The following ZBBX variants were observed in gnomAD, a reference collection of about 807,000 sequenced individuals.
ZBBX encodes the protein zinc finger B-box domain-containing protein 1.
Under a neutral mutation model 108.5 loss-of-function variants are expected in ZBBX, and 101 were observed. That is an observed-to-expected ratio of 0.93 (90% CI 0.79 to 1.10). The LOEUF (loss-of-function observed/expected upper bound fraction) is 1.10. Among genes scored for constraint, ZBBX ranks in the 50% least tolerant of loss-of-function variants. The pLI is 0.00. For missense variants in ZBBX, 1,009 were observed against 941.4 expected (o/e 1.07, Z -0.94); for synonymous variants, 356 against 323.4 (o/e 1.10, Z -1.08).
chr3:167,281,168 G>T (rs1201321540), intron 20 of ZBBX, among the ~76,000 whole-genome samples: 1 of 152,078 alleles, frequency 6.6e-6, no homozygotes, highest in African/African-American at 2.4e-5. Flanking sequence ...ATGAGTTAGT[G>T]GGTGCAGCGC....
chr3:167,260,568 T>G (rs1320237629), intron 20 of ZBBX, among the ~76,000 whole-genome samples: 1 of 152,218 alleles, frequency 6.6e-6, no homozygotes, highest in Non-Finnish European at 1.5e-5. Context: ...TGGGTTAATT[T>G]AAAGACCTTG....
chr3:167,291,248 A>G (rs958330655), intron 18 of ZBBX, among the ~76,000 whole-genome samples: 28 of 152,212 alleles, frequency 1.8e-4, no homozygotes, highest in Non-Finnish European at 1.9e-4. Flanking sequence ...CCCATGACAC[A>G]TAATCCTCAG....
chr3:167,387,195 C>T (rs1040135680), intron 1 of ZBBX, among the ~76,000 whole-genome samples: 1 of 152,022 alleles, frequency 6.6e-6, no homozygotes, highest in South Asian at 2.1e-4. Flanking sequence ...TCACCAAACA[C>T]TTATTGAGGA....
chr3:167,256,223 G>T (rs1031187868), intron 20 of ZBBX, among the ~76,000 whole-genome samples: 2 of 152,048 alleles, frequency 1.3e-5, no homozygotes, highest in Admixed American at 6.6e-5. Context: ...GAATACTTAG[G>T]TTACATCCAA....
chr3:167,188,491 A>G, the ZBBX span, among the ~76,000 whole-genome samples: 1 of 152,178 alleles, frequency 6.6e-6, no homozygotes, highest in Non-Finnish European at 1.5e-5. Flanking sequence ...TAAATCTTAA[A>G]GGATAAATAA....
intron 19 of ZBBX, among the ~76,000 whole-genome samples, chr3:167,283,708 C>T (rs1311529591): frequency 6.6e-6 from 1 of 152,108 alleles, no homozygotes; most frequent in East Asian, 1.9e-4. Flanking sequence ...TGCAGTGGCA[C>T]GATCTCGGCT....
At chr3:167,239,265 T>C (rs1227762769), downstream of ZBBX, among the ~76,000 whole-genome samples, 1 of 152,102 alleles carries the variant, frequency 6.6e-6, no homozygotes, top group Non-Finnish European at 1.5e-5. Context: ...TAAACTAATT[T>C]GCTTTACTCA....
chr3:167,297,666 G>T (rs75414217), intron 18 of ZBBX, among the ~76,000 whole-genome samples: 7,633 of 151,702 alleles, frequency 0.05, 514 homozygotes, highest in African/African-American at 0.15. Context: ...ATATAATAAG[G>T]AACTCCTATA....
At chr3:167,253,477 GTCAATAGAAA>G (rs1160552619) in intron 20 of ZBBX, among the ~76,000 whole-genome samples, 4 of 151,810 alleles carry the variant, frequency 2.6e-5, no homozygotes, top group African/African-American at 9.7e-5. Flanking sequence ...AGGAAAACAG[GTCAATAGAAA>G]TCTGGCATTT....
At chr3:167,310,959 C>T (rs1312357706) in intron 16 of ZBBX, among the ~76,000 whole-genome samples, 2 of 151,958 alleles carry the variant, frequency 1.3e-5, no homozygotes, top group Admixed American at 6.6e-5. Flanking sequence ...AATCAAAATC[C>T]CCGCCTTTTT....
chr3:167,407,543 C>T (rs867452892), intron 1 of ZBBX, among the ~76,000 whole-genome samples: 1 of 151,816 alleles, frequency 6.6e-6, no homozygotes. Flanking sequence ...GAAGCATTAC[C>T]AATAACAAAA....
At chr3:167,266,341 G>T (rs1725468745) in intron 20 of ZBBX, among the ~76,000 whole-genome samples, 1 of 152,138 alleles carries the variant, frequency 6.6e-6, no homozygotes, top group Non-Finnish European at 1.5e-5. Context: ...CTCTTCAAAA[G>T]GTTTAGCCTG....
At chr3:167,366,036 A>G (rs1745270246) in intron 5 of ZBBX, 60 bp from the exon 6 acceptor site, 4 of 1,300,740 alleles carry the variant, frequency 3.1e-6, no homozygotes, top group Non-Finnish European at 3.2e-6. Context: ...CCTTTAATGA[A>G]AAGAAATACA....
chr3:167,251,056 A>G (rs1466141361), intron 20 of ZBBX, among the ~76,000 whole-genome samples: 1 of 152,172 alleles, frequency 6.6e-6, no homozygotes, highest in Non-Finnish European at 1.5e-5. Context: ...AGAAACCAGC[A>G]CACCAGCAGA....
At chr3:167,355,111 T>G (rs892768746) in intron 8 of ZBBX, among the ~76,000 whole-genome samples, 22 of 151,982 alleles carry the variant, frequency 1.4e-4, no homozygotes, top group African/African-American at 5.3e-4. Context: ...GCCAGATCAG[T>G]TGTGCTAAGC....
chr3:167,268,377 G>A (rs143542930), intron 20 of ZBBX, among the ~76,000 whole-genome samples: 38 of 151,886 alleles, frequency 2.5e-4, no homozygotes, highest in African/African-American at 8.9e-4. Context: ...ATTTGGGAGC[G>A]TGAACACCCT....
At chr3:167,232,567 C>A in the ZBBX span, among the ~76,000 whole-genome samples, 1 of 151,658 alleles carries the variant, frequency 6.6e-6, no homozygotes, top group Non-Finnish European at 1.5e-5. Context: ...ATCATCTGGC[C>A]CTGGATGTCA....
At chr3:167,287,360 G>T (rs1197376881) in intron 19 of ZBBX, among the ~76,000 whole-genome samples, 1 of 152,040 alleles carries the variant, frequency 6.6e-6, no homozygotes, top group African/African-American at 2.4e-5. Flanking sequence ...GAAAATAAAT[G>T]CAATTTCTTA....
intron 20 of ZBBX, among the ~76,000 whole-genome samples, chr3:167,270,222 A>C (rs1560049592): frequency 6.6e-6 from 1 of 152,178 alleles, no homozygotes; most frequent in Non-Finnish European, 1.5e-5. Flanking sequence ...CCATTTCGTA[A>C]GTGCAGGCAA....
Sources: allele counts gnomAD v4.1 joint callset (sites outside exome capture counted in the v4.1 genomes callset), GRCh38; gene constraint gnomAD v4.1.1; transcripts MANE v1.5; gene names NCBI Gene and HGNC (gene_info 2026-07-23, HGNC 2026-07-21).